ANGPT1: variants seen among roughly 807,000 people sequenced by gnomAD.
ANGPT1 encodes angiopoietin-1.
A neutral mutation model predicts 62.2 loss-of-function variants in ANGPT1; 17 were observed. The observed-to-expected ratio is 0.27, with a 90% CI of 0.19 to 0.41. The LOEUF is 0.41. Among genes scored for constraint, ANGPT1 ranks in the 10% least tolerant of loss-of-function variants. ANGPT1 has a pLI of 1.00. For missense variants in ANGPT1, 478 were observed against 594.9 expected (o/e 0.80, Z 2.04); for synonymous variants, 199 against 198.9 (o/e 1.00, Z 0.00).
chr8:107,300,069 G>A (rs1814547556), intron 5 of ANGPT1, among the ~76,000 whole-genome samples: 1 of 132,020 alleles, frequency 7.6e-6, no homozygotes, highest in African/African-American at 2.8e-5. Context: ...CTAGATATAG[G>A]TATCTATATC....
At chr8:107,268,520 T>C (rs965739586) in intron 7 of ANGPT1, among the ~76,000 whole-genome samples, 2 of 151,516 alleles carry the variant, frequency 1.3e-5, no homozygotes, top group African/African-American at 4.9e-5. Flanking sequence ...CTCCAGAATA[T>C]AAAAACATGA....
At chr8:107,444,706 A>G (rs999430838) in intron 1 of ANGPT1, among the ~76,000 whole-genome samples, 3 of 152,216 alleles carry the variant, frequency 2.0e-5, no homozygotes, top group Non-Finnish European at 4.4e-5. Flanking sequence ...CTACAGGTTC[A>G]GGCATCAGTT....
intron 7 of ANGPT1, among the ~76,000 whole-genome samples, chr8:107,271,567 A>G (rs1475043205): frequency 6.6e-6 from 1 of 151,958 alleles, no homozygotes; most frequent in African/African-American, 2.4e-5. Flanking sequence ...CAAGCCAGAG[A>G]AATTAAAGAT....
At chr8:107,450,381 G>C (rs1811737336) in intron 1 of ANGPT1, among the ~76,000 whole-genome samples, 1 of 151,958 alleles carries the variant, frequency 6.6e-6, no homozygotes, top group South Asian at 2.1e-4. Context: ...ATTTACATCT[G>C]TGTTATGTGA....
intron 1 of ANGPT1, among the ~76,000 whole-genome samples, chr8:107,429,807 A>G (rs71562145): frequency 0.12 from 18,144 of 152,136 alleles, 1,470 homozygotes; most frequent in East Asian, 0.44. Flanking sequence ...GACTAATATT[A>G]TTTTTGAAAT....
intron 1 of ANGPT1, among the ~76,000 whole-genome samples, chr8:107,387,382 A>G (rs992886661): frequency 6.6e-6 from 1 of 152,076 alleles, no homozygotes; most frequent in Non-Finnish European, 1.5e-5. Context: ...TTAAAGCATT[A>G]TTGACATAAA....
intron 4 of ANGPT1, among the ~76,000 whole-genome samples, chr8:107,307,048 C>T (rs1261880424): frequency 6.6e-6 from 1 of 151,988 alleles, no homozygotes; most frequent in African/African-American, 2.4e-5. Context: ...ATTTGAAGCA[C>T]GAGTTAAAAG....
At chr8:107,434,806 GT>G (rs2130415641) in intron 1 of ANGPT1, among the ~76,000 whole-genome samples, 2 of 152,160 alleles carry the variant, frequency 1.3e-5, no homozygotes, top group Admixed American at 6.5e-5. Context: ...ATTTGAAATG[GT>G]TTTTCCCTGA....
chr8:107,294,179 G>T, intron 5 of ANGPT1, 142 bp from the exon 6 acceptor site: 2 of 507,288 alleles, frequency 3.9e-6, no homozygotes, highest in Non-Finnish European at 6.8e-6. Flanking sequence ...TGTTAATTTA[G>T]ATATATTATT....
chr8:107,282,478 ATGTG>A (rs1223044708), intron 7 of ANGPT1, among the ~76,000 whole-genome samples: 1 of 142,232 alleles, frequency 7.0e-6, no homozygotes. Context: ...ATGCATATGC[ATGTG>A]TGTGAGGCTT....
At chr8:107,279,110 A>G (rs1391071705) in intron 7 of ANGPT1, among the ~76,000 whole-genome samples, 2 of 152,192 alleles carry the variant, frequency 1.3e-5, no homozygotes, top group Non-Finnish European at 2.9e-5. Flanking sequence ...ATCTGCTATT[A>G]TTAAAATATT....
Position 107,311,754 on chromosome 8 carries a change from C to T in ANGPT1, c.809-8387G>A, listed in dbSNP as rs140834004. ...AACAACGTATATTCAATGCCTATTA[C>T]TACCTAAAGTAATCAAGAATGGGGA... is the stretch of plus-strand genomic sequence containing the variant. On this transcript the variant is annotated intron_variant, in intron 4 of 8. Coordinates refer to ENST00000517746, the MANE Select transcript of ANGPT1 (RefSeq NM_001146.5). 5.0e-4 allele frequency among the ~76,000 whole-genome samples: 76 copies of T among 152,300 alleles called. No homozygotes were observed. In the East Asian group the frequency reaches 0.012, roughly 24 times the overall value.
chr8:107,387,157 T>A (rs1180282780), intron 1 of ANGPT1, among the ~76,000 whole-genome samples: 1 of 152,090 alleles, frequency 6.6e-6, no homozygotes, highest in East Asian at 1.9e-4. Flanking sequence ...ACAGAAGGGA[T>A]AATTTTTAAA....
rs924479700 is a variant in ANGPT1, at chr8:107,250,098, G to C, written c.*1757C>G. 3.3e-5 allele frequency: 5 copies of C among 152,448 alleles called. No individual in the cohort carries two copies. The highest frequency in any genetic ancestry group is 9.7e-5 in the African/African-American group (4 of 41,432). 9.4% of individuals were successfully genotyped at this position (152,448 alleles called of 1,614,324 possible). On this transcript the variant is annotated 3_prime_UTR_variant, in exon 9 of 9. Coordinates refer to ENST00000517746, the MANE Select transcript of ANGPT1 (RefSeq NM_001146.5). ...GTGAATAGCTTTATTTTCTCAAATG[G>C]AGGAAACCATTAAGGCATAGTGGAT...
chr8:107,327,624 T>C (rs1485420612), intron 3 of ANGPT1, among the ~76,000 whole-genome samples: 5 of 152,246 alleles, frequency 3.3e-5, no homozygotes, highest in South Asian at 2.1e-4. Context: ...TAGGGTTCCA[T>C]GGAACAACAC....
chr8:107,395,379 G>C (rs935208131), intron 1 of ANGPT1, among the ~76,000 whole-genome samples: 1 of 152,086 alleles, frequency 6.6e-6, no homozygotes, highest in Non-Finnish European at 1.5e-5. Context: ...CTATGTGTTG[G>C]TAACATTTAT....
chr8:107,344,980 C>A (rs1453765407), intron 2 of ANGPT1, among the ~76,000 whole-genome samples: 1 of 151,972 alleles, frequency 6.6e-6, no homozygotes, highest in Non-Finnish European at 1.5e-5. Flanking sequence ...ATAAGTAGCA[C>A]GAGGGTATAC....
At chr8:107,344,592 A>G (rs1815764014) in intron 2 of ANGPT1, among the ~76,000 whole-genome samples, 1 of 152,198 alleles carries the variant, frequency 6.6e-6, no homozygotes, top group Non-Finnish European at 1.5e-5. Context: ...ATAAATCTAG[A>G]AGGTCAGCAG....
At chr8:107,478,421 G>A (rs200558627) in intron 1 of ANGPT1, among the ~76,000 whole-genome samples, 16 of 152,078 alleles carry the variant, frequency 1.1e-4, no homozygotes, top group African/African-American at 3.4e-4. Context: ...GGTGGTGCAC[G>A]CCTGTAGTCC....
Sources: gnomAD v4.1 joint callset for allele counts (sites outside exome capture counted in the v4.1 genomes callset) on GRCh38, gnomAD v4.1.1 for gene constraint, MANE v1.5 for transcripts, NCBI Gene and HGNC (gene_info 2026-07-23, HGNC 2026-07-21) for gene names.